RFX4: variants seen among roughly 807,000 people sequenced by gnomAD.
RFX4 encodes regulatory factor X4.
Under a neutral mutation model 95.0 loss-of-function variants are expected in RFX4, and 10 were observed. The observed-to-expected ratio is 0.11, with a 90% confidence interval of 0.06 to 0.18. The LOEUF (loss-of-function observed/expected upper bound fraction) is 0.18. Ranked by LOEUF, RFX4 falls within the 10% of genes least tolerant of loss-of-function variation. The pLI, the probability that RFX4 is intolerant of heterozygous loss-of-function variation, is 1.00. For synonymous variants in RFX4, 321 were observed against 340.7 expected, an observed-to-expected ratio of 0.94 and a Z score of 0.64; for missense variants, 640 against 922.0, an observed-to-expected ratio of 0.69 and a Z score of 3.96.
intron 2 of RFX4, among the ~76,000 whole-genome samples, chr12:106,610,481 C>T (rs893392662): frequency 1.9e-4 from 29 of 152,174 alleles, no homozygotes; most frequent in African/African-American, 6.5e-4. Context: ...CCTTTTCCCT[C>T]AGTCTCTGAC....
chr12:106,727,226 A>G (rs995728120), intron 13 of RFX4, among the ~76,000 whole-genome samples: 29 of 152,368 alleles, frequency 1.9e-4, no homozygotes, highest in Admixed American at 6.5e-4. Flanking sequence ...AAAGAGAAGA[A>G]TCATAAAATC....
intron 4 of RFX4, among the ~76,000 whole-genome samples, chr12:106,680,280 T>A (rs1011858085): frequency 1.3e-5 from 2 of 152,028 alleles, no homozygotes; most frequent in Admixed American, 1.3e-4. Context: ...AGAGAAATGG[T>A]CAGTCTTCAA....
At chr12:106,759,200 G>T (rs562043999) in intron 17 of RFX4, among the ~76,000 whole-genome samples, 1 of 152,202 alleles carries the variant, frequency 6.6e-6, no homozygotes, top group South Asian at 2.1e-4. Flanking sequence ...TTTAAGCTGA[G>T]ATCTAAAGAA....
At chr12:106,750,920 C>CTTTA (rs36084987) in intron 17 of RFX4, 127 bp downstream of exon 17, 48,814 of 613,274 alleles carry the variant, frequency 0.08, 3,018 homozygotes, top group East Asian at 0.2. Context: ...AGAGGACAGT[C>CTTTA]TTTATTTATT....
intron 17 of RFX4, among the ~76,000 whole-genome samples, chr12:106,752,508 T>A (rs988801985): frequency 6.6e-6 from 1 of 152,160 alleles, no homozygotes; most frequent in Non-Finnish European, 1.5e-5. Flanking sequence ...ATTGGCTGCA[T>A]GTCTGCTGCC....
intron 2 of RFX4, among the ~76,000 whole-genome samples, chr12:106,614,901 G>A (rs2040043234): frequency 1.3e-5 from 2 of 152,158 alleles, no homozygotes; most frequent in African/African-American, 2.4e-5. Flanking sequence ...ATTAATATTT[G>A]TCAGGTAAAA....
rs376490078 is a variant in RFX4 at position 106,696,465 on chromosome 12, G to T, written c.833+19G>T. The T allele has an allele frequency of 3.1e-6, 5 of 1,613,574 alleles. No individual in the cohort carries two copies. The African/African-American group carries it at 5.3e-5, about 17-fold the overall frequency. ...CTGACAGGTGGGCATGCTTATTCTT[G>T]TCTTCCTTCACGGCTGGTCCACAGA... On this transcript the variant is annotated intron_variant, in intron 8 of 17. Coordinates refer to ENST00000392842, the MANE Select transcript of RFX4 (RefSeq NM_213594.3).
In RFX4 at chr12:106,761,218, T is replaced by C. The variant is rs764457403; in HGVS notation, c.1957T>C (p.Ser653Pro). Residue 653 changes from serine to proline, a missense_variant, in exon 18 of 18, where the codon TCC (serine) becomes CCC (proline). By Grantham distance (74) the Ser-to-Pro change is moderately conservative (BLOSUM62 -1). Transcript: ENST00000392842. Reference sequence around the variant, plus strand: ...CAAGTACCCTTTTAATAGCCCCACTTCCCGGATGGAACCTTGTTTGATGAG... The same window carrying C: ...CAAGTACCCTTTTAATAGCCCCACTCCCCGGATGGAACCTTGTTTGATGAG... ...SAQYPFNSPT[S>P]RMEPCLMSST... 3.7e-6 allele frequency: 6 copies of C among 1,613,236 alleles called. No homozygotes were observed. The South Asian group carries it at 5.5e-5, about 15-fold the overall frequency.
chr12:106,622,721 A>G (rs1431276186), intron 2 of RFX4, among the ~76,000 whole-genome samples: 2 of 151,444 alleles, frequency 1.3e-5, no homozygotes, highest in Non-Finnish European at 2.9e-5. Context: ...CCTGGGTTCA[A>G]GCAGTTCTCC....
At chr12:106,611,380 T>G (rs2039957707) in intron 2 of RFX4, among the ~76,000 whole-genome samples, 1 of 152,100 alleles carries the variant, frequency 6.6e-6, no homozygotes, top group Non-Finnish European at 1.5e-5. Flanking sequence ...AAGAAATCAT[T>G]GTCAGATCCA....
intron 4 of RFX4, among the ~76,000 whole-genome samples, chr12:106,667,953 A>G (rs1398159218): frequency 6.6e-6 from 1 of 152,194 alleles, no homozygotes; most frequent in Non-Finnish European, 1.5e-5. Context: ...ACACTGGAGC[A>G]TTCTCTATAA....
At chr12:106,668,592 AT>A (rs1447463011) in intron 4 of RFX4, among the ~76,000 whole-genome samples, 3 of 152,214 alleles carry the variant, frequency 2.0e-5, no homozygotes, top group African/African-American at 7.2e-5. Flanking sequence ...TTAAATAATA[AT>A]TAGGATTTAT....
intron 1 of RFX4, chr12:106,601,489 T>A: frequency 1.3e-6 from 1 of 794,610 alleles, no homozygotes. Context: ...TTTCCTAAAA[T>A]AGGCCTCAGC....
chr12:106,683,466 GAAAAAAAAAAAAAA>G (rs149587196), intron 5 of RFX4: 9 of 50,826 alleles, frequency 1.8e-4, no homozygotes, highest in African/African-American at 2.3e-4. Context: ...TGACTATTCT[GAAAAAAAAAAAAAA>G]AAAAAAAAAA....
At chr12:106,654,390 C>G (rs1405170019) in intron 4 of RFX4, 39 bp downstream of exon 4, 23 of 1,585,036 alleles carry the variant, frequency 1.5e-5, no homozygotes, top group Admixed American at 1.9e-5. Context: ...CCCTACCACC[C>G]CAACTTTAAG....
At position 106,761,498 on chromosome 12, in the gene RFX4, T is replaced by TTAA. The variant is rs768515685; in HGVS notation, c.*40_*42dup. 7.4e-7 allele frequency: 1 copy of TTAA among 1,343,290 alleles called. No homozygotes were observed. The highest frequency in any genetic ancestry group is 1.5e-5 in the African/African-American group (1 of 65,506). 83.2% of individuals were successfully genotyped at this position (1,343,290 alleles called of 1,614,324 possible). On this transcript the variant is annotated 3_prime_UTR_variant, in exon 18 of 18. Transcript: ENST00000392842. ...CTATCATAGGCATCCATATTTAATA[T>TTAA]TAATAATAATAATTAATAATAATAA... is the stretch of plus-strand genomic sequence containing the variant.
chr12:106,750,043 T>C (rs2042969788), intron 16 of RFX4, among the ~76,000 whole-genome samples: 1 of 152,118 alleles, frequency 6.6e-6, no homozygotes, highest in Non-Finnish European at 1.5e-5. Context: ...ACTAATGATG[T>C]TTGGCTCAGG....
At chr12:106,760,326 C>T (rs769477360) in intron 17 of RFX4, among the ~76,000 whole-genome samples, 11 of 152,148 alleles carry the variant, frequency 7.2e-5, no homozygotes, top group Non-Finnish European at 1.0e-4. Context: ...ATCCTACTAA[C>T]GGGCTTATTT....
intron 1 of RFX4, among the ~76,000 whole-genome samples, chr12:106,604,652 G>A (rs981894653): frequency 1.2e-4 from 18 of 152,016 alleles, no homozygotes; most frequent in Non-Finnish European, 2.6e-4. Flanking sequence ...AGTTATTGAG[G>A]CCAGACTACA....
Sources: allele counts gnomAD v4.1 joint callset (sites outside exome capture counted in the v4.1 genomes callset), GRCh38; gene constraint gnomAD v4.1.1; transcripts MANE v1.5; gene names NCBI Gene and HGNC (gene_info 2026-07-23, HGNC 2026-07-21).